Variants in MAP4K4 observed in about 807,000 individuals in gnomAD.
The protein encoded by MAP4K4 is mitogen-activated protein kinase kinase kinase kinase 4.
A neutral mutation model predicts 189.6 loss-of-function variants in MAP4K4; 38 were observed. The ratio of observed to expected loss-of-function variants is 0.20; its 90% CI spans 0.15 to 0.26. The LOEUF (loss-of-function observed/expected upper bound fraction) is 0.26, where lower values mean the gene tolerates loss of function less well. Among genes scored for constraint, MAP4K4 ranks in the 10% least tolerant of loss-of-function variants. The probability of loss-of-function intolerance (pLI) is 1.00; values close to 1 mark genes in which losing one functional copy is unlikely to be tolerated. For missense variants in MAP4K4, 1,054 were observed against 1,726.9 expected, an observed-to-expected ratio of 0.61 and a Z score of 6.91; for synonymous variants, 610 against 624.3, an observed-to-expected ratio of 0.98 and a Z score of 0.34.
intron 3 of MAP4K4, among the ~76,000 whole-genome samples, chr2:101,822,489 G>A (rs1234600208): frequency 4.6e-5 from 7 of 152,140 alleles, no homozygotes; most frequent in Non-Finnish European, 7.4e-5. Flanking sequence ...TTATACATTT[G>A]TTTTCTAAAG....
intron 7 of MAP4K4, 72 bp downstream of exon 7, chr2:101,831,923 A>G: frequency 6.5e-7 from 1 of 1,537,262 alleles, no homozygotes; most frequent in Non-Finnish European, 8.8e-7. Flanking sequence ...TTTGCTTATA[A>G]ATTGCACACC....
At chr2:101,745,840 CT>C (rs1228923462) in intron 2 of MAP4K4, among the ~76,000 whole-genome samples, 325 of 143,490 alleles carry the variant, frequency 2.3e-3, no homozygotes, top group East Asian at 7.0e-3. Context: ...TTGTTGCCTA[CT>C]TTTTTTTTTT....
intron 26 of MAP4K4, among the ~76,000 whole-genome samples, chr2:101,876,170 G>A (rs940573911): frequency 6.6e-6 from 1 of 152,168 alleles, no homozygotes; most frequent in Non-Finnish European, 1.5e-5. Context: ...AGTTTCAGTA[G>A]AGATCTGCAG....
At chr2:101,703,532 C>T (rs938452496) in intron 2 of MAP4K4, among the ~76,000 whole-genome samples, 10 of 142,612 alleles carry the variant, frequency 7.0e-5, no homozygotes, top group Admixed American at 1.5e-4. Context: ...GTGGGAGAAT[C>T]GCTTGAACCT....
chr2:101,849,546 C>T (rs566670833), intron 12 of MAP4K4, among the ~76,000 whole-genome samples: 45 of 151,244 alleles, frequency 3.0e-4, no homozygotes, highest in African/African-American at 1.1e-3. Context: ...CCTTTTCTTC[C>T]ATCTAGTATT....
chr2:101,860,701 CTT>C (rs2097621908), intron 15 of MAP4K4, 122 bp from the exon 16 acceptor site: 4 of 784,372 alleles, frequency 5.1e-6, no homozygotes, highest in Admixed American at 3.0e-5. Flanking sequence ...CTACCCCTCT[CTT>C]TTCTGGTAGC....
intron 2 of MAP4K4, among the ~76,000 whole-genome samples, chr2:101,784,049 G>GTT (rs1312863213): frequency 6.6e-6 from 1 of 152,184 alleles, no homozygotes; most frequent in Non-Finnish European, 1.5e-5. Context: ...AGAGATCCAT[G>GTT]TTCTGTCCTT....
At chr2:101,850,859 T>C (rs972372) in intron 12 of MAP4K4, among the ~76,000 whole-genome samples, 102,645 of 152,120 alleles carry the variant, frequency 0.67, 35,628 homozygotes, top group African/African-American at 0.84. Flanking sequence ...GGGGAAGAAA[T>C]GAATAGTTCT....
intron 2 of MAP4K4, among the ~76,000 whole-genome samples, chr2:101,785,938 T>C (rs79272983): frequency 1.3e-5 from 2 of 152,014 alleles, no homozygotes; most frequent in Admixed American, 6.6e-5. Context: ...GATTCTCGTG[T>C]CTCAGCCTCC....
At chr2:101,781,536 G>T (rs2087449177) in intron 2 of MAP4K4, among the ~76,000 whole-genome samples, 1 of 152,122 alleles carries the variant, frequency 6.6e-6, no homozygotes, top group African/African-American at 2.4e-5. Flanking sequence ...GCATCGCATG[G>T]TGAGAGGGAG....
At position 101,710,343 on chromosome 2, in the gene MAP4K4, C is replaced by G. The variant is rs184783433; in HGVS notation, c.123+11805C>G. ...ACATTTTCTCATTTATTCTTGTTGC[C>G]TTCCTTGATTCCCAGAAAAATCTGA... On this transcript the variant is annotated intron_variant, in intron 2 of 32. Coordinates refer to ENST00000324219, the Ensembl canonical transcript of MAP4K4. Among the ~76,000 whole-genome samples, 136 of 152,300 alleles carry G rather than the reference C, an allele frequency of 8.9e-4. 1 individual carries two copies. The highest frequency in any genetic ancestry group is 1.5e-4 in the Non-Finnish European group (10 of 68,008).
intron 4 of MAP4K4, among the ~76,000 whole-genome samples, chr2:101,824,583 A>G (rs549527109): frequency 6.6e-6 from 1 of 152,344 alleles, no homozygotes; most frequent in South Asian, 2.1e-4. Flanking sequence ...ACTTGGAGAT[A>G]CCATCAGATC....
chr2:101,882,820 G>A (rs913896343), intron 28 of MAP4K4, 135 bp downstream of exon 28: 17 of 897,436 alleles, frequency 1.9e-5, no homozygotes, highest in Admixed American at 8.5e-5. Flanking sequence ...CATTTCTGGT[G>A]TTCTTTCTGT....
At chr2:101,764,499 T>C (rs1174447926) in intron 2 of MAP4K4, among the ~76,000 whole-genome samples, 1 of 152,244 alleles carries the variant, frequency 6.6e-6, no homozygotes, top group African/African-American at 2.4e-5. Flanking sequence ...TGTGTGAATA[T>C]ATTAATATGT....
At position 101,893,199 on chromosome 2, in the gene MAP4K4, C is replaced by G. The variant is rs138836144; in HGVS notation, c.*1950C>G. 1.6e-3 allele frequency: 713 copies of G among 456,418 alleles called. 3 individuals carry two copies. The highest frequency in any genetic ancestry group is 0.012 in the African/African-American group (598 of 50,180). 28.3% of individuals were successfully genotyped at this position (456,418 alleles called of 1,614,324 possible). A position where few individuals can be genotyped will look rare whatever the true frequency, so the allele number is the denominator to read the frequency against. On this transcript the variant is annotated 3_prime_UTR_variant, in exon 33 of 33. Transcript: ENST00000324219. ...TTTGAGCTACAAACATCTGGTAAGA[C>G]AAGTACATCCACTCATGAATGCAGA... is the stretch of plus-strand genomic sequence containing the variant.
chr2:101,792,293 T>C (rs1342928624), intron 3 of MAP4K4, among the ~76,000 whole-genome samples: 1 of 152,196 alleles, frequency 6.6e-6, no homozygotes, highest in African/African-American at 2.4e-5. Flanking sequence ...ACTGGCAGAC[T>C]TGTAGGTACA....
chr2:101,822,138 A>G (rs969244742), intron 3 of MAP4K4, among the ~76,000 whole-genome samples: 3 of 152,238 alleles, frequency 2.0e-5, no homozygotes, highest in Non-Finnish European at 4.4e-5. Context: ...AATAAATAGG[A>G]GTACACTTTA....
chr2:101,800,133 AAAT>A (rs917814338), intron 3 of MAP4K4, among the ~76,000 whole-genome samples: 2 of 151,252 alleles, frequency 1.3e-5, no homozygotes, highest in Non-Finnish European at 2.9e-5. Flanking sequence ...AAAAAAAAAA[AAAT>A]AATAATTTTT....
At chr2:101,846,112 C>T (rs17802002) in intron 12 of MAP4K4, among the ~76,000 whole-genome samples, 22,159 of 152,220 alleles carry the variant, frequency 0.15, 1,732 homozygotes, top group South Asian at 0.2. Flanking sequence ...TAGAAGAAAA[C>T]AGGACGTACG....
Sources: allele counts gnomAD v4.1 joint callset (sites outside exome capture counted in the v4.1 genomes callset), GRCh38; gene constraint gnomAD v4.1.1; transcripts MANE v1.5; gene names NCBI Gene and HGNC (gene_info 2026-07-23, HGNC 2026-07-21).